Variants in KCNK12 observed in about 807,000 individuals in gnomAD.
KCNK12 encodes the protein potassium channel subfamily K member 12.
In KCNK12, 6 loss-of-function variants were observed where a neutral mutation model predicts 25.3. The ratio of observed to expected loss-of-function variants is 0.24; its 90% CI spans 0.13 to 0.47. The LOEUF (loss-of-function observed/expected upper bound fraction) is 0.47, where lower values mean the gene tolerates loss of function less well. Among genes scored for constraint, KCNK12 ranks in the 20% least tolerant of loss-of-function variants. KCNK12 has a pLI of 0.99. For missense variants in KCNK12, 444 were observed against 661.7 expected, an observed-to-expected ratio of 0.67 and a Z score of 3.61; for synonymous variants, 331 against 311.1, an observed-to-expected ratio of 1.06 and a Z score of -0.67.
Position 47,521,370 on chromosome 2 carries a change from C to T in KCNK12, c.830G>A (p.Arg277His). The change falls in exon 2 of 2, where the codon CGC becomes CAC. Residue 277 changes from arginine (R) to histidine (H), a missense_variant. Physicochemically the swap from Arg to His is conservative, Grantham distance 29. Around this residue, in one of 8 missense-constraint regions of KCNK12, gnomAD observed 56 missense variants for 135.7 expected, o/e 0.41. Transcript: ENST00000327876. ...CAGGATGAAGAGGAAGTTGCCCAGGCGGTAGAGCCCCTGGTTCCGGTAGGC... is the reference window on the plus strand; with the variant it reads ...CAGGATGAAGAGGAAGTTGCCCAGGTGGTAGAGCCCCTGGTTCCGGTAGGC... ...HAAYRNQGLY[R>H]LGNFLFILLG... 6.2e-7 allele frequency: 1 copy of T among 1,613,532 alleles called. No homozygotes were observed. Among genetic ancestry groups the T allele is most frequent in the Non-Finnish European group, 8.5e-7 (1 of 1,179,776 alleles).
intron 1 of KCNK12, among the ~76,000 whole-genome samples, chr2:47,539,457 G>A (rs926489062): frequency 2.6e-5 from 4 of 152,146 alleles, no homozygotes; most frequent in African/African-American, 4.8e-5. Flanking sequence ...CAGAGGCTGT[G>A]GATCAAACAG....
intron 1 of KCNK12, among the ~76,000 whole-genome samples, chr2:47,530,762 G>T (rs1291789812): frequency 6.6e-6 from 1 of 152,174 alleles, no homozygotes; most frequent in Non-Finnish European, 1.5e-5. Context: ...TACCATGATG[G>T]TGTGTTCATA....
Position 47,569,929 on chromosome 2 carries a change from C to A in KCNK12, c.391+12G>T, listed in dbSNP as rs1417170547. On this transcript the variant is annotated intron_variant, in intron 1 of 1. Transcript: ENST00000327876. The surrounding 1 kb of genome is among the most constrained non-coding windows in gnomAD (Gnocchi z 4.1). ...ACAGAGAGGAAAGATGCGCGGGGGA[C>A]GCGCCGCTCACCTATGGTTGACACC... The A allele has an allele frequency of 1.5e-6, 2 of 1,368,694 alleles. No homozygotes were observed. Among genetic ancestry groups the A allele is most frequent in the Non-Finnish European group, 1.9e-6 (2 of 1,055,232 alleles). The allele number at this position is 1,368,694 out of a possible 1,614,324, so 84.8% of individuals were successfully genotyped here.
intron 1 of KCNK12, among the ~76,000 whole-genome samples, chr2:47,523,837 A>G (rs545071644): frequency 2.0e-5 from 3 of 152,334 alleles, no homozygotes; most frequent in African/African-American, 7.2e-5. Context: ...TTTGTGCCCT[A>G]TGGCAGAAGG....
At position 47,528,018 on chromosome 2, in the gene KCNK12, C is replaced by G. The variant is rs755110687; in HGVS notation, c.392-6210G>C. Among the ~76,000 whole-genome samples the G allele has an allele frequency of 6.6e-6, 1 of 152,198 alleles. No individual in the cohort carries two copies. Among genetic ancestry groups the G allele is most frequent in the Non-Finnish European group, 1.5e-5 (1 of 68,032 alleles). On this transcript the variant is annotated intron_variant, in intron 1 of 1. Coordinates refer to ENST00000327876, the MANE Select transcript of KCNK12 (RefSeq NM_022055.2). The surrounding 1 kb of genome is among the most constrained non-coding windows in gnomAD (Gnocchi z 4.5). ...CCCCCTTTGCTGCCAGCAGGCTCAC[C>G]TCTGGGACAGGGCGCATATAGTCTG... is the stretch of plus-strand genomic sequence containing the variant.
In KCNK12 at chr2:47,533,872, G is replaced by A. The variant is rs1668991785; in HGVS notation, c.392-12064C>T. Among the ~76,000 whole-genome samples the A allele has an allele frequency of 6.6e-6, 1 of 152,122 alleles. No homozygotes were observed. The highest frequency in any genetic ancestry group is 6.6e-5 in the Admixed American group (1 of 15,266). On this transcript the variant is annotated intron_variant, in intron 1 of 1. Coordinates refer to ENST00000327876, the MANE Select transcript of KCNK12 (RefSeq NM_022055.2). The surrounding 1 kb of genome is among the most constrained non-coding windows in gnomAD (Gnocchi z 4.7). ...TTCTTCCCTCCGAAGCCAGGCGTGG[G>A]GTGGGAGCATCCAGTGCACCCCTCT...
intron 1 of KCNK12, chr2:47,563,370 G>C (rs1230787131): frequency 8.6e-6 from 2 of 233,398 alleles, no homozygotes; most frequent in African/African-American, 4.4e-5. Context: ...TGTGTGTGCT[G>C]TTTGTGTGAG....
intron 1 of KCNK12, among the ~76,000 whole-genome samples, chr2:47,534,299 G>A (rs966837740): frequency 1.3e-5 from 2 of 152,002 alleles, no homozygotes; most frequent in South Asian, 4.1e-4. Context: ...TCAGCAAAAT[G>A]AGTTATTAAA....
At position 47,521,453 on chromosome 2, in the gene KCNK12, G is replaced by A. The variant is rs753277001; in HGVS notation, c.747C>T (p.Phe249=). 6.2e-7 allele frequency: 1 copy of A among 1,612,936 alleles called. No homozygotes were observed. The highest frequency in any genetic ancestry group is 1.7e-5 in the Admixed American group (1 of 59,936). ...CGATGGTGCTGAAGGTGACGAAGCA[G>A]AAGTAGAGCGAGTCCACGTAGTCCC... ...EGWDYVDSLY[F]CFVTFSTIGF... Residue 249 remains phenylalanine, a synonymous_variant, in exon 2 of 2, where the codon TTC becomes TTT. Coordinates refer to ENST00000327876, the MANE Select transcript of KCNK12 (RefSeq NM_022055.2).
rs1669872241 is a variant in KCNK12 at position 47,570,589 on chromosome 2, C to G, written c.-258G>C. 3.8e-6 allele frequency: 1 copy of G among 266,330 alleles called. No individual in the cohort carries two copies. The highest frequency in any genetic ancestry group is 7.0e-6 in the Non-Finnish European group (1 of 143,308). 16.5% of individuals were successfully genotyped at this position (266,330 alleles called of 1,614,324 possible). A position where few individuals can be genotyped will look rare whatever the true frequency, so the allele number is the denominator to read the frequency against. On this transcript the variant is annotated 5_prime_UTR_variant, in exon 1 of 2. Transcript: ENST00000327876. The stretch of plus-strand genomic sequence containing the variant: ...GGCAGGGGCGCTCCTCTGCGCGCCC[C>G]GACGCCTCGCCGGCTCCCGCGGCTC...
intron 1 of KCNK12, among the ~76,000 whole-genome samples, chr2:47,554,045 C>T (rs1236133002): frequency 6.6e-6 from 1 of 152,242 alleles, no homozygotes; most frequent in Non-Finnish European, 1.5e-5. Flanking sequence ...TAAGTACCTG[C>T]ATTCATTGTC....
rs1558556578 is a variant in KCNK12 at position 47,540,800 on chromosome 2, A to AAACAAAC, written c.392-18993_392-18992insGTTTGTT. 5.4e-5 allele frequency among the ~76,000 whole-genome samples: 6 copies of AAACAAAC among 111,900 alleles called. No homozygotes were observed. The highest frequency in any genetic ancestry group is 2.3e-4 in the African/African-American group (5 of 22,160). 73.4% of individuals were successfully genotyped at this position (111,900 alleles called of 152,430 possible). A position where few individuals can be genotyped will look rare whatever the true frequency, so the allele number is the denominator to read the frequency against. Reference sequence around the variant, plus strand: ...ACAAACAAACAAACAAACAAACAAAAGCAAGCTGGGCATGGTGGCTCACAC... The same window carrying AAACAAAC: ...ACAAACAAACAAACAAACAAACAAAAAACAAACGCAAGCTGGGCATGGTGGCTCACAC... On this transcript the variant is annotated intron_variant, in intron 1 of 1. Coordinates refer to ENST00000327876, the MANE Select transcript of KCNK12 (RefSeq NM_022055.2). The surrounding 1 kb of genome is among the most constrained non-coding windows in gnomAD (Gnocchi z 5.4).
Position 47,560,659 on chromosome 2 carries a change from A to T in KCNK12, c.391+9282T>A, listed in dbSNP as rs755739911. Reference sequence around the variant, plus strand: ...CTGAGCCTGTCATCTGTGAAATGGGATATAATTTTCTTTGCTGTCCTAGGA... The same window carrying T: ...CTGAGCCTGTCATCTGTGAAATGGGTTATAATTTTCTTTGCTGTCCTAGGA... On this transcript the variant is annotated intron_variant, in intron 1 of 1. Transcript: ENST00000327876. This position sits in a 1 kb window ranked among gnomAD's most constrained non-coding sequence, Gnocchi z 4.7. Among the ~76,000 whole-genome samples the T allele has an allele frequency of 1.3e-5, 2 of 152,176 alleles. No homozygotes were observed. The highest frequency in any genetic ancestry group is 2.9e-5 in the Non-Finnish European group (2 of 68,038).
intron 1 of KCNK12, among the ~76,000 whole-genome samples, chr2:47,549,493 G>A (rs1010464173): frequency 6.6e-6 from 1 of 152,082 alleles, no homozygotes; most frequent in East Asian, 1.9e-4. Context: ...AATAGAAACA[G>A]ACCCAGAAAT....
chr2:47,537,097 A>T (rs756132315), intron 1 of KCNK12, among the ~76,000 whole-genome samples: 1 of 152,234 alleles, frequency 6.6e-6, no homozygotes, highest in East Asian at 1.9e-4. Flanking sequence ...TCCCAGCCCC[A>T]CTGTGAGTGC....
rs928887556 is a variant in KCNK12 at position 47,562,884 on chromosome 2, C to T, written c.391+7057G>A. The T allele has an allele frequency of 7.7e-5, 18 of 233,236 alleles. No homozygotes were observed. In the Admixed American group the frequency reaches 9.6e-4, roughly 12 times the overall value. 14.4% of individuals were successfully genotyped at this position (233,236 alleles called of 1,614,324 possible). On this transcript the variant is annotated intron_variant, in intron 1 of 1. Coordinates refer to ENST00000327876, the MANE Select transcript of KCNK12 (RefSeq NM_022055.2). The surrounding 1 kb of genome is among the most constrained non-coding windows in gnomAD (Gnocchi z 4.8). ...GCTGGACTCTGCCCAAAGCACCCAC[C>T]TTGGGCTCCACACACTTTCCGGATT...
chr2:47,559,721 G>C (rs1669625032), intron 1 of KCNK12, among the ~76,000 whole-genome samples: 1 of 152,194 alleles, frequency 6.6e-6, no homozygotes. Context: ...TTAACCCACT[G>C]AACGGTGGCT....
At chr2:47,539,701 G>T (rs1420669686) in intron 1 of KCNK12, among the ~76,000 whole-genome samples, 1 of 152,170 alleles carries the variant, frequency 6.6e-6, no homozygotes, top group Non-Finnish European at 1.5e-5. Flanking sequence ...GGAAAGAAGG[G>T]GGCACCGCTG....
At chr2:47,558,014 C>A (rs923063589) in intron 1 of KCNK12, among the ~76,000 whole-genome samples, 2 of 152,184 alleles carry the variant, frequency 1.3e-5, no homozygotes, top group African/African-American at 4.8e-5. Context: ...CCTTCTTTTA[C>A]AAAGCAGGTC....
Sources: gnomAD v4.1 joint callset for allele counts (sites outside exome capture counted in the v4.1 genomes callset) on GRCh38, gnomAD v4.1.1 for gene constraint, gnomAD v4.1.1 regional missense constraint, Gnocchi (gnomAD v3.1) non-coding constraint, MANE v1.5 for transcripts, NCBI Gene and HGNC (gene_info 2026-07-23, HGNC 2026-07-21) for gene names.